Variants in RSPRY1 observed in about 807,000 individuals in gnomAD.
RSPRY1 encodes the protein RING finger and SPRY domain-containing protein 1.
In RSPRY1, 23 loss-of-function variants were observed where a neutral mutation model predicts 73.1. The ratio of observed to expected loss-of-function variants is 0.31; its 90% confidence interval spans 0.23 to 0.45. The LOEUF is 0.45. Among genes scored for constraint, RSPRY1 ranks in the 20% least tolerant of loss-of-function variants. The pLI, the probability that RSPRY1 is intolerant of heterozygous loss-of-function variation, is 1.00. For synonymous variants in RSPRY1, 226 were observed against 251.4 expected, an observed-to-expected ratio of 0.90 and a Z score of 0.95; for missense variants, 448 against 698.7, an observed-to-expected ratio of 0.64 and a Z score of 4.05.
intron 4 of RSPRY1, among the ~76,000 whole-genome samples, chr16:57,210,019 T>G (rs1022896657): frequency 5.3e-5 from 7 of 132,108 alleles, no homozygotes; most frequent in Non-Finnish European, 1.1e-4. Context: ...TTTTTCTTCT[T>G]TCTTTCTTTC....
chr16:57,212,958 CT>C lies in RSPRY1; in HGVS notation c.517-8del. 1 of 1,612,328 alleles carries C rather than the reference CT, an allele frequency of 6.2e-7. No individual in the cohort carries two copies. The highest frequency in any genetic ancestry group is 8.5e-7 in the Non-Finnish European group (1 of 1,179,088). On this transcript the variant is annotated splice_polypyrimidine_tract_variant and intron_variant, in intron 4 of 14. Coordinates refer to ENST00000394420, the MANE Select transcript of RSPRY1 (RefSeq NM_133368.3). ...AGTATATGGGTCAAACCCACTTGTACTTTTTTGTTTTAGGATGCACTCCAGA... is the reference window on the plus strand; with the variant it reads ...AGTATATGGGTCAAACCCACTTGTACTTTTTGTTTTAGGATGCACTCCAGA...
At chr16:57,225,145 C>G (rs778525595) in intron 10 of RSPRY1, among the ~76,000 whole-genome samples, 13 of 152,378 alleles carry the variant, frequency 8.5e-5, no homozygotes, top group Admixed American at 1.3e-4. Flanking sequence ...ACTGCAACCT[C>G]TGCCTCCCAG....
At chr16:57,208,231 A>T (rs561238954) in intron 3 of RSPRY1, 121 bp downstream of exon 3, 1 of 594,794 alleles carries the variant, frequency 1.7e-6, no homozygotes, top group African/African-American at 1.9e-5. Context: ...TACAGCATAC[A>T]TAACAATGAA....
Position 57,204,650 on chromosome 16 carries a change from ACTAC to A in RSPRY1, c.-5_-2del, listed in dbSNP as rs760152166. The A allele has an allele frequency of 6.2e-7, 1 of 1,609,580 alleles. No individual in the cohort carries two copies. The highest frequency in any genetic ancestry group is 8.5e-7 in the Non-Finnish European group (1 of 1,176,686). On this transcript the variant is annotated 5_prime_UTR_variant, in exon 2 of 15. It removes the in-frame stop codon of an upstream open reading frame in the 5' UTR. Transcript: ENST00000394420. The stretch of plus-strand genomic sequence containing the variant: ...GAAAACAGTACTTGGAAAACTGAAA[ACTAC>A]CTAAATGATCGTCTTTGGTTGGGCC...
intron 2 of RSPRY1, among the ~76,000 whole-genome samples, chr16:57,205,432 T>G (rs763780562): frequency 9.2e-5 from 14 of 152,210 alleles, no homozygotes; most frequent in Non-Finnish European, 1.8e-4. Flanking sequence ...CTTGGCAACA[T>G]AAGGACTAAG....
At chr16:57,194,258 G>A (rs1044004448) in intron 1 of RSPRY1, among the ~76,000 whole-genome samples, 1 of 152,110 alleles carries the variant, frequency 6.6e-6, no homozygotes, top group Non-Finnish European at 1.5e-5. Flanking sequence ...TAGCGATAAA[G>A]CAAGTTTAGT....
At chr16:57,202,906 A>ATATC (rs1230196481) in intron 1 of RSPRY1, among the ~76,000 whole-genome samples, 2 of 144,088 alleles carry the variant, frequency 1.4e-5, no homozygotes, top group Non-Finnish European at 3.0e-5. Context: ...ATATATATAT[A>ATATC]TCTGAAGACT....
intron 11 of RSPRY1, 128 bp downstream of exon 11, chr16:57,227,581 GT>G: frequency 1.5e-6 from 1 of 675,084 alleles, no homozygotes; most frequent in East Asian, 2.8e-5. Context: ...ATTAACTTTT[GT>G]GTCACTGCCA....
intron 8 of RSPRY1, 101 bp downstream of exon 8, chr16:57,217,136 C>A: frequency 7.6e-7 from 1 of 1,309,462 alleles, no homozygotes; most frequent in South Asian, 1.2e-5. Flanking sequence ...AAGTATGAGT[C>A]CTCATAAGGA....
chr16:57,231,335 A>G lies in RSPRY1; in HGVS notation c.1529+16A>G. 6.2e-7 allele frequency: 1 copy of G among 1,603,944 alleles called. No individual in the cohort carries two copies. Among genetic ancestry groups the G allele is most frequent in the East Asian group, 2.2e-5 (1 of 44,762 alleles). ...TTTTGCCAAGGTAAGGAATCTGCCC[A>G]GGCTATCTCCAGACTTTCACATGAA... On this transcript the variant is annotated intron_variant, in intron 13 of 14. Coordinates refer to ENST00000394420, the MANE Select transcript of RSPRY1 (RefSeq NM_133368.3).
At chr16:57,231,360 A>C (rs1163636875) in intron 13 of RSPRY1, 41 bp downstream of exon 13, 1 of 1,542,688 alleles carries the variant, frequency 6.5e-7, no homozygotes, top group Non-Finnish European at 8.8e-7. Flanking sequence ...TTTCACATGA[A>C]TCTTATGAGA....
intron 3 of RSPRY1, 24 bp downstream of exon 3, chr16:57,208,134 A>G (rs747731427): frequency 4.3e-6 from 6 of 1,382,618 alleles, no homozygotes; most frequent in African/African-American, 1.4e-5. Context: ...TGTTTTCATT[A>G]CTTTATAATG....
intron 5 of RSPRY1, among the ~76,000 whole-genome samples, chr16:57,213,611 G>A (rs572177056): frequency 3.9e-5 from 6 of 152,302 alleles, no homozygotes; most frequent in Non-Finnish European, 5.9e-5. Context: ...CTTACATCAC[G>A]TAATGTGGAA....
At chr16:57,224,964 G>A (rs1320362472) in intron 10 of RSPRY1, among the ~76,000 whole-genome samples, 1 of 152,238 alleles carries the variant, frequency 6.6e-6, no homozygotes, top group Non-Finnish European at 1.5e-5. Context: ...ATGCCACAAT[G>A]CCTACATTTT....
At chr16:57,228,157 C>A (rs931865245) in intron 11 of RSPRY1, among the ~76,000 whole-genome samples, 1 of 151,706 alleles carries the variant, frequency 6.6e-6, no homozygotes, top group Admixed American at 6.6e-5. Context: ...CCTGCGGTCC[C>A]GGCTACTTGG....
At chr16:57,219,533 A>G (rs1232744853) in intron 8 of RSPRY1, 1 of 152,186 alleles carries the variant, frequency 6.6e-6, no homozygotes, top group African/African-American at 2.4e-5. Context: ...ATTGACTTAT[A>G]TGACCTCCTT....
intron 6 of RSPRY1, among the ~76,000 whole-genome samples, chr16:57,215,493 G>T (rs1339542476): frequency 6.6e-6 from 1 of 152,156 alleles, no homozygotes; most frequent in Non-Finnish European, 1.5e-5. Context: ...GCACAGCTAT[G>T]AGAAGGTGTC....
chr16:57,230,255 G>A (rs1263238761), intron 11 of RSPRY1, among the ~76,000 whole-genome samples: 2 of 151,872 alleles, frequency 1.3e-5, no homozygotes, highest in East Asian at 3.9e-4. Flanking sequence ...CAGGTGATCC[G>A]CCCGCCTTGG....
chr16:57,216,862 A>G (rs753771549), intron 7 of RSPRY1, 42 bp from the exon 8 acceptor site: 1 of 1,591,868 alleles, frequency 6.3e-7, no homozygotes, highest in Non-Finnish European at 8.6e-7. Flanking sequence ...AAATCATTCT[A>G]CCCTTTCATT....
Sources: allele counts gnomAD v4.1 joint callset (sites outside exome capture counted in the v4.1 genomes callset), GRCh38; gene constraint gnomAD v4.1.1; transcripts MANE v1.5; gene names NCBI Gene and HGNC (gene_info 2026-07-23, HGNC 2026-07-21).